The following TRMT1L variants were observed in gnomAD, a reference collection of about 807,000 sequenced individuals.
The protein encoded by TRMT1L is tRNA (guanine(27)-N(2))-dimethyltransferase.
In TRMT1L, 28 loss-of-function variants were observed where a neutral mutation model predicts 81.6. The ratio of observed to expected loss-of-function variants is 0.34; its 90% confidence interval spans 0.25 to 0.47. The LOEUF is 0.47. Among genes scored for constraint, TRMT1L ranks in the 20% least tolerant of loss-of-function variants. The pLI is 1.00. For synonymous variants in TRMT1L, 301 were observed against 303.2 expected, an observed-to-expected ratio of 0.99 and a Z score of 0.07; for missense variants, 739 against 877.1, an observed-to-expected ratio of 0.84 and a Z score of 1.99.
At chr1:185,126,695 G>A (rs1336709354) in intron 11 of TRMT1L, among the ~76,000 whole-genome samples, 4 of 152,180 alleles carry the variant, frequency 2.6e-5, no homozygotes, top group East Asian at 1.9e-4. Context: ...TGAGTGTAAA[G>A]CCATGAACAC....
intron 10 of TRMT1L, among the ~76,000 whole-genome samples, chr1:185,131,734 T>A (rs376352982): frequency 1.7e-4 from 26 of 152,142 alleles, no homozygotes; most frequent in East Asian, 1.3e-3. Context: ...ATGAACCGTA[T>A]AGATATTTTA....
At chr1:185,127,548 G>A (rs1224277469) in intron 11 of TRMT1L, among the ~76,000 whole-genome samples, 3 of 151,756 alleles carry the variant, frequency 2.0e-5, no homozygotes, top group African/African-American at 4.8e-5. Flanking sequence ...ACTTGAGGTC[G>A]GGAGTTTGAT....
rs1571366147 is a variant in TRMT1L at position 185,156,906 on chromosome 1, G to A, written c.-194C>T. ...TGTTAGTAGAAAACAGAAAGCCAGA[G>A]GCAGCGATTCCAGATGCCCGTCCGC... On this transcript the variant is annotated 5_prime_UTR_variant, in exon 1 of 15. Coordinates refer to ENST00000367506, the MANE Select transcript of TRMT1L (RefSeq NM_030934.5). 2 of 754,934 alleles carry A rather than the reference G, an allele frequency of 2.6e-6. No homozygotes were observed. The highest frequency in any genetic ancestry group is 1.9e-5 in the African/African-American group (1 of 53,980). The allele number at this position is 754,934 out of a possible 1,614,324, so 46.8% of individuals were successfully genotyped here.
intron 10 of TRMT1L, 73 bp from the exon 11 acceptor site, chr1:185,128,820 T>C (rs1245532617): frequency 7.8e-7 from 1 of 1,286,080 alleles, no homozygotes; most frequent in Non-Finnish European, 1.1e-6. Flanking sequence ...GTTATATTAA[T>C]AATAATGTGC....
chr1:185,123,045 T>C (rs915348918), intron 13 of TRMT1L, among the ~76,000 whole-genome samples: 2 of 152,164 alleles, frequency 1.3e-5, no homozygotes, highest in African/African-American at 2.4e-5. Context: ...ACAGAGAAAT[T>C]AGGTAGAATG....
chr1:185,135,573 CA>C (rs1652880962), intron 10 of TRMT1L, among the ~76,000 whole-genome samples: 1 of 151,866 alleles, frequency 6.6e-6, no homozygotes, highest in East Asian at 1.9e-4. Flanking sequence ...AATTATTAGA[CA>C]ACACTTAGCT....
At chr1:185,130,833 C>G (rs1652751701) in intron 10 of TRMT1L, among the ~76,000 whole-genome samples, 1 of 152,064 alleles carries the variant, frequency 6.6e-6, no homozygotes, top group South Asian at 2.1e-4. Context: ...CAGTCTCTGT[C>G]CCCAGTGTGG....
At chr1:185,145,358 A>G in intron 5 of TRMT1L, 81 bp downstream of exon 5, 2 of 1,424,680 alleles carry the variant, frequency 1.4e-6, no homozygotes. Flanking sequence ...ATTATTTTAT[A>G]TTCCTGATGT....
chr1:185,141,986 T>C (rs1249389167), intron 7 of TRMT1L, among the ~76,000 whole-genome samples: 1 of 152,130 alleles, frequency 6.6e-6, no homozygotes, highest in Non-Finnish European at 1.5e-5. Context: ...AATCATTAAA[T>C]TGGTGGATAT....
At position 185,139,361 on chromosome 1, in the gene TRMT1L, T is replaced by C. The variant is rs753323094; in HGVS notation, c.1322+6A>G. The stretch of plus-strand genomic sequence containing the variant: ...CACACTAAGTACACTGTTGGCAATT[T>C]GGTACCTTGCCACTGCAGCTACAAC... On this transcript the variant is annotated splice_donor_region_variant and intron_variant, in intron 9 of 14. Coordinates refer to ENST00000367506, the MANE Select transcript of TRMT1L (RefSeq NM_030934.5). The C allele has an allele frequency of 2.5e-6, 4 of 1,611,192 alleles. No homozygotes were observed. The highest frequency in any genetic ancestry group is 3.4e-6 in the Non-Finnish European group (4 of 1,178,142).
Position 185,143,426 on chromosome 1 carries a change from A to G in TRMT1L, c.790T>C (p.Phe264Leu), listed in dbSNP as rs1653102696. Residue 264 changes from phenylalanine (F) to leucine (L), a missense_variant, in exon 7 of 15, where the codon TTC becomes CTC. Transcript: ENST00000367506. ...TCAGCCAAAGCAGCCAATGTACAGAATATTAGCTGCCTAGAAGGAAATCAT... is the reference window on the plus strand; with the variant it reads ...TCAGCCAAAGCAGCCAATGTACAGAGTATTAGCTGCCTAGAAGGAAATCAT... ...PKMKLNRQLI[F>L]CTLAALAEER... is the part of the protein sequence containing the mutation. The G allele has an allele frequency of 6.2e-7, 1 of 1,608,536 alleles. No homozygotes were observed. The highest frequency in any genetic ancestry group is 8.5e-7 in the Non-Finnish European group (1 of 1,177,170).
Position 185,156,948 on chromosome 1 carries a change from C to A in TRMT1L, c.-236G>T. On this transcript the variant is annotated 5_prime_UTR_variant, in exon 1 of 15. Coordinates refer to ENST00000367506, the MANE Select transcript of TRMT1L (RefSeq NM_030934.5). ...CCCGTCCGCTTCCCTTTCCCCGAGG[C>A]GTTACGACGCCACCACAAACTGCGC... is the stretch of plus-strand genomic sequence containing the variant. 1 of 583,796 alleles carries A rather than the reference C, an allele frequency of 1.7e-6. No homozygotes were observed. Among genetic ancestry groups the A allele is most frequent in the Non-Finnish European group, 2.9e-6 (1 of 344,348 alleles). 36.2% of individuals were successfully genotyped at this position (583,796 alleles called of 1,614,324 possible).
rs1310791506 is a variant in TRMT1L at position 185,139,554 on chromosome 1, C to G, written c.1135G>C (p.Val379Leu). The change falls in exon 9 of 15, where the codon GTG (valine) becomes CTG (leucine). Residue 379 changes from valine to leucine, a missense_variant. By Grantham distance (32) the Val-to-Leu change is conservative. Around this residue, in one of 4 missense-constraint regions of TRMT1L, gnomAD observed 331 missense variants for 462.2 expected, o/e 0.72. Transcript: ENST00000367506. ...CTGAATGCAGAATCTAGATAATTCACTGATGTTCCAAAAGGGTCTAGATGT... is the reference window on the plus strand; with the variant it reads ...CTGAATGCAGAATCTAGATAATTCAGTGATGTTCCAAAAGGGTCTAGATGT... ...FIHLDPFGTS[V>L]NYLDSAFRNI... 1 of 1,613,004 alleles carries G rather than the reference C, an allele frequency of 6.2e-7. No individual in the cohort carries two copies. The highest frequency in any genetic ancestry group is 8.5e-7 in the Non-Finnish European group (1 of 1,179,788).
In TRMT1L at chr1:185,124,731, T is replaced by C. The variant is rs557775161; in HGVS notation, c.1759+213A>G. On this transcript the variant is annotated intron_variant, in intron 12 of 14. Coordinates refer to ENST00000367506, the MANE Select transcript of TRMT1L (RefSeq NM_030934.5). ...ACAACAAAACCAACAACACTATTCA[T>C]CATTCACCTATTCATCTCAGGCCTG... is the stretch of plus-strand genomic sequence containing the variant. 15 of 320,738 alleles carry C rather than the reference T, an allele frequency of 4.7e-5. No homozygotes were observed. In the South Asian group the frequency reaches 1.1e-3, roughly 24 times the overall value. 19.9% of individuals were successfully genotyped at this position (320,738 alleles called of 1,614,324 possible).
In TRMT1L at chr1:185,120,031, G is replaced by A. The variant is rs1652458502; in HGVS notation, c.2190C>T (p.Cys730=). The stretch of plus-strand genomic sequence containing the variant: ...TTCTTCTCTACGTTTACCATCTTCT[G>A]CAGCCACTTGCTTCTGCTTTGTCAT... ...SVNDKAEASG[C]RRW is the part of the protein sequence containing the mutation. Residue 730 remains cysteine, a synonymous_variant, in exon 15 of 15, where the codon TGC becomes TGT. Transcript: ENST00000367506. 1 of 1,613,414 alleles carries A rather than the reference G, an allele frequency of 6.2e-7. No individual in the cohort carries two copies. Among genetic ancestry groups the A allele is most frequent in the Admixed American group, 1.7e-5 (1 of 59,992 alleles).
At chr1:185,137,450 C>T (rs777841450) in intron 10 of TRMT1L, 156 bp downstream of exon 10, 6 of 775,818 alleles carry the variant, frequency 7.7e-6, no homozygotes. Flanking sequence ...ACACGAATGT[C>T]TTGTCTGTTG....
intron 1 of TRMT1L, among the ~76,000 whole-genome samples, chr1:185,153,631 G>A (rs936549198): frequency 2.0e-5 from 3 of 151,986 alleles, no homozygotes; most frequent in Non-Finnish European, 2.9e-5. Context: ...GAAGTTTGAC[G>A]GTATAAAAAA....
intron 1 of TRMT1L, among the ~76,000 whole-genome samples, chr1:185,153,604 G>C (rs1653419177): frequency 6.6e-6 from 1 of 152,076 alleles, no homozygotes; most frequent in South Asian, 2.1e-4. Context: ...CAGAAAATTA[G>C]GTTTTTCTTT....
At chr1:185,127,952 G>A (rs1349367387) in intron 11 of TRMT1L, among the ~76,000 whole-genome samples, 1 of 151,164 alleles carries the variant, frequency 6.6e-6, no homozygotes. Flanking sequence ...AGTCTCTAAT[G>A]AAAGTACAAA....
Sources: allele counts gnomAD v4.1 joint callset (sites outside exome capture counted in the v4.1 genomes callset), GRCh38; gene constraint gnomAD v4.1.1; regional missense constraint gnomAD v4.1.1; transcripts MANE v1.5; gene names NCBI Gene and HGNC (gene_info 2026-07-23, HGNC 2026-07-21).